The following GALNTL6 variants were observed in gnomAD, a reference collection of about 807,000 sequenced individuals.
GALNTL6 encodes the protein polypeptide N-acetylgalactosaminyltransferase like 6.
In GALNTL6, 46 loss-of-function variants were observed where a neutral mutation model predicts 73.7. The ratio of observed to expected loss-of-function variants is 0.62; its 90% CI spans 0.49 to 0.80. GALNTL6 has a LOEUF of 0.80. Ranked by LOEUF, GALNTL6 falls within the 30% of genes least tolerant of loss-of-function variation. The probability of loss-of-function intolerance (pLI) is 0.00; values close to 1 mark genes in which losing one functional copy is unlikely to be tolerated. For missense variants in GALNTL6, 604 were observed against 755.0 expected, an observed-to-expected ratio of 0.80 and a Z score of 2.34; for synonymous variants, 259 against 263.7, an observed-to-expected ratio of 0.98 and a Z score of 0.17.
rs74436295 is a variant in GALNTL6, at chr4:172,613,057, A to G, written c.554-196304A>G. On this transcript the variant is annotated intron_variant, in intron 5 of 12. Transcript: ENST00000506823. The stretch of plus-strand genomic sequence containing the variant: ...ACAGTCCTTATGATAGTCCACATTC[A>G]TTCAGCTTCCACATGTACCAGGCAT... Among the ~76,000 whole-genome samples the G allele has an allele frequency of 5.6e-3, 853 of 152,238 alleles. 8 individuals carry two copies. Among genetic ancestry groups the G allele is most frequent in the African/African-American group, 0.019 (797 of 41,552 alleles).
chr4:172,156,891 A>C (rs1210475382), intron 2 of GALNTL6, among the ~76,000 whole-genome samples: 1 of 152,068 alleles, frequency 6.6e-6, no homozygotes, highest in East Asian at 1.9e-4. Flanking sequence ...TATTACAACT[A>C]ACCATTATAT....
chr4:172,359,708 C>T (rs1267737505), intron 5 of GALNTL6, among the ~76,000 whole-genome samples: 1 of 152,148 alleles, frequency 6.6e-6, no homozygotes, highest in Non-Finnish European at 1.5e-5. Flanking sequence ...CCATGGATCC[C>T]ACATATAAGG....
intron 5 of GALNTL6, among the ~76,000 whole-genome samples, chr4:172,628,088 A>G (rs9996298): frequency 0.36 from 55,405 of 151,852 alleles, 11,171 homozygotes; most frequent in African/African-American, 0.52. Flanking sequence ...ACATTATAGG[A>G]ATATAAAAAA....
chr4:172,115,863 A>G (rs764703643), intron 2 of GALNTL6, among the ~76,000 whole-genome samples: 12 of 152,232 alleles, frequency 7.9e-5, no homozygotes, highest in Non-Finnish European at 1.6e-4. Context: ...CCTAATTAAT[A>G]TTTTCTTTCT....
At chr4:172,911,968 G>A (rs1269055576) in intron 8 of GALNTL6, among the ~76,000 whole-genome samples, 1 of 152,180 alleles carries the variant, frequency 6.6e-6, no homozygotes, top group African/African-American at 2.4e-5. Flanking sequence ...TCTTTTTAAT[G>A]TTGAGATTTT....
intron 2 of GALNTL6, among the ~76,000 whole-genome samples, chr4:171,843,182 A>G (rs1222422252): frequency 6.6e-6 from 1 of 152,126 alleles, no homozygotes; most frequent in Non-Finnish European, 1.5e-5. Context: ...TTGGTAGCTC[A>G]TATAGAGGCA....
chr4:172,090,755 A>T (rs1254614744), intron 2 of GALNTL6, among the ~76,000 whole-genome samples: 1 of 152,140 alleles, frequency 6.6e-6, no homozygotes, highest in African/African-American at 2.4e-5. Context: ...TGTTTTAGTC[A>T]TGAAGTCCTT....
intron 5 of GALNTL6, among the ~76,000 whole-genome samples, chr4:172,727,144 G>C (rs1735863480): frequency 6.6e-6 from 1 of 152,104 alleles, no homozygotes; most frequent in Non-Finnish European, 1.5e-5. Flanking sequence ...TTTTCTCTCA[G>C]TTGTCATTTT....
rs138637029 is a variant in GALNTL6, at chr4:172,743,548, C to CTT, written c.554-65811_554-65810dup. ...GAAGATGCCCTTTGAATTCTGGGGA[C>CTT]TTTATCTTCCACCCTCATGTGCTTT... On this transcript the variant is annotated intron_variant, in intron 5 of 12. Transcript: ENST00000506823. Among the ~76,000 whole-genome samples, 284 of 152,098 alleles carry CTT rather than the reference C, an allele frequency of 1.9e-3. 3 individuals are homozygous for CTT. The highest frequency in any genetic ancestry group is 6.2e-3 in the African/African-American group (256 of 41,512).
chr4:172,222,831 G>A (rs1402750499), intron 2 of GALNTL6, among the ~76,000 whole-genome samples: 1 of 151,920 alleles, frequency 6.6e-6, no homozygotes, highest in Non-Finnish European at 1.5e-5. Context: ...ATACCAATAA[G>A]AGACAATGCC....
chr4:172,940,187 CT>C (rs34843916), intron 9 of GALNTL6, among the ~76,000 whole-genome samples: 2,195 of 128,772 alleles, frequency 0.017, 13 homozygotes, highest in Non-Finnish European at 0.025. Context: ...CCTCGCAAAA[CT>C]TTTTTTTTTT....
chr4:172,887,576 A>T (rs981033527), intron 8 of GALNTL6, among the ~76,000 whole-genome samples: 5 of 134,044 alleles, frequency 3.7e-5, no homozygotes, highest in African/African-American at 1.5e-4. Flanking sequence ...TTATTTATTT[A>T]TTTTTGAGAT....
intron 5 of GALNTL6, among the ~76,000 whole-genome samples, chr4:172,712,760 T>A (rs1223594530): frequency 6.6e-6 from 1 of 152,328 alleles, no homozygotes; most frequent in South Asian, 2.1e-4. Flanking sequence ...CCTGGAACAC[T>A]GTATGCCTTG....
chr4:172,884,039 T>G (rs1377239295), intron 8 of GALNTL6, among the ~76,000 whole-genome samples: 1 of 152,226 alleles, frequency 6.6e-6, no homozygotes, highest in African/African-American at 2.4e-5. Flanking sequence ...CATCCAGTGA[T>G]GGACACTTAG....
At chr4:171,894,538 T>C (rs1396046291) in intron 2 of GALNTL6, among the ~76,000 whole-genome samples, 1 of 152,204 alleles carries the variant, frequency 6.6e-6, no homozygotes, top group African/African-American at 2.4e-5. Flanking sequence ...CATAAATATT[T>C]TCTTTAATGT....
intron 3 of GALNTL6, among the ~76,000 whole-genome samples, chr4:172,267,906 A>G (rs13121795): frequency 0.13 from 19,150 of 152,174 alleles, 1,306 homozygotes; most frequent in East Asian, 0.3. Flanking sequence ...ACAAAGTAAT[A>G]AAGAATACAG....
At chr4:172,421,459 A>G (rs906545234) in intron 5 of GALNTL6, among the ~76,000 whole-genome samples, 1 of 151,984 alleles carries the variant, frequency 6.6e-6, no homozygotes, top group African/African-American at 2.4e-5. Context: ...TTGTATAAGT[A>G]TTATAGAAAA....
intron 5 of GALNTL6, among the ~76,000 whole-genome samples, chr4:172,444,507 T>C (rs1483538932): frequency 6.6e-6 from 1 of 152,328 alleles, no homozygotes; most frequent in East Asian, 1.9e-4. Flanking sequence ...TTGCAGCATG[T>C]AGTTTGAAGC....
intron 5 of GALNTL6, among the ~76,000 whole-genome samples, chr4:172,604,850 A>G (rs934041612): frequency 6.6e-6 from 1 of 152,214 alleles, no homozygotes; most frequent in Admixed American, 6.5e-5. Context: ...CATTTCCACC[A>G]TGGACTTCAT....
Sources: gnomAD v4.1 joint callset for allele counts (sites outside exome capture counted in the v4.1 genomes callset) on GRCh38, gnomAD v4.1.1 for gene constraint, MANE v1.5 for transcripts, NCBI Gene and HGNC (gene_info 2026-07-23, HGNC 2026-07-21) for gene names.